Variants in CNOT4 observed in about 807,000 individuals in gnomAD.
CNOT4 encodes the protein CCR4-associated factor 4.
Under a neutral mutation model 73.8 loss-of-function variants are expected in CNOT4, and 8 were observed. The observed-to-expected ratio is 0.11, with a 90% CI of 0.06 to 0.20. The LOEUF is 0.20. Ranked by LOEUF, CNOT4 falls within the 10% of genes least tolerant of loss-of-function variation. The pLI, the probability that CNOT4 is intolerant of heterozygous loss-of-function variation, is 1.00. For missense variants in CNOT4, 564 were observed against 883.4 expected, an observed-to-expected ratio of 0.64 and a Z score of 4.58; for synonymous variants, 293 against 321.1, an observed-to-expected ratio of 0.91 and a Z score of 0.94.
intron 1 of CNOT4, among the ~76,000 whole-genome samples, chr7:135,488,493 G>A (rs935906936): frequency 2.0e-5 from 3 of 152,196 alleles, no homozygotes; most frequent in Non-Finnish European, 2.9e-5. Context: ...GATTACAGGC[G>A]TGAGCCACTG....
intron 9 of CNOT4, 141 bp downstream of exon 9, chr7:135,395,493 T>G: frequency 1.1e-6 from 1 of 905,228 alleles, no homozygotes; most frequent in Non-Finnish European, 1.7e-6. Flanking sequence ...CCTAATTCCA[T>G]GTAGTTTAAA....
In CNOT4 at chr7:135,376,075, C is replaced by T. The variant is rs138859146; in HGVS notation, c.1628-12009G>A. Among the ~76,000 whole-genome samples, 444 of 151,256 alleles carry T rather than the reference C, an allele frequency of 2.9e-3. 1 individual carries two copies. The highest frequency in any genetic ancestry group is 5.4e-3 in the African/African-American group (221 of 41,260). On this transcript the variant is annotated intron_variant, in intron 10 of 11. Transcript: ENST00000541284. ...AATTAATCACATAGTCAGTGGGTGA[C>T]GTGTAGGGGGGAAAATCTTAACAAT...
At chr7:135,453,032 A>T (rs1349506479) in intron 1 of CNOT4, among the ~76,000 whole-genome samples, 1 of 152,190 alleles carries the variant, frequency 6.6e-6, no homozygotes, top group East Asian at 1.9e-4. Flanking sequence ...TGGGGGAAAA[A>T]GTATCTGATA....
intron 1 of CNOT4, among the ~76,000 whole-genome samples, chr7:135,481,228 C>A (rs1802360856): frequency 6.6e-6 from 1 of 151,666 alleles, no homozygotes; most frequent in Non-Finnish European, 1.5e-5. Flanking sequence ...ACAAGAAACT[C>A]AAACCATTAA....
Position 135,362,985 on chromosome 7 carries a change from G to A in CNOT4, c.2042C>T (p.Ser681Phe), listed in dbSNP as rs760949147. The change falls in exon 12 of 12, where the codon TCC (serine) becomes TTC (phenylalanine). Residue 681 changes from serine to phenylalanine, a missense_variant. By Grantham distance (155) the Ser-to-Phe change is radical. This residue lies in a region of CNOT4 where 88 missense variants were observed against 94.7 expected (regional missense o/e 0.93). Transcript: ENST00000541284. ...WNPYPPPSNP[S>F]SFHSPPPGFQ... ...GCCTGGGGGTGGGGAGTGGAAGCTGGAAGGGTTTGAAGGAGGAGGGTAGGG... is the reference window on the plus strand; with the variant it reads ...GCCTGGGGGTGGGGAGTGGAAGCTGAAAGGGTTTGAAGGAGGAGGGTAGGG... 5.6e-6 allele frequency: 9 copies of A among 1,613,716 alleles called. No individual in the cohort carries two copies. In the East Asian group the frequency reaches 1.8e-4, roughly 32 times the overall value.
At chr7:135,423,247 C>G (rs1340396767) in intron 2 of CNOT4, among the ~76,000 whole-genome samples, 1 of 151,552 alleles carries the variant, frequency 6.6e-6, no homozygotes, top group African/African-American at 2.4e-5. Context: ...ACATTAAATG[C>G]CATAATATTT....
At chr7:135,488,314 C>T (rs1274347480) in intron 1 of CNOT4, among the ~76,000 whole-genome samples, 1 of 152,126 alleles carries the variant, frequency 6.6e-6, no homozygotes, top group Non-Finnish European at 1.5e-5. Flanking sequence ...CTGAATGGTA[C>T]GATTCTCAGC....
At chr7:135,391,524 T>C (rs910154342) in intron 10 of CNOT4, among the ~76,000 whole-genome samples, 4 of 152,016 alleles carry the variant, frequency 2.6e-5, no homozygotes, top group Non-Finnish European at 4.4e-5. Context: ...ACTACATTTT[T>C]AGCATCTCTG....
intron 1 of CNOT4, among the ~76,000 whole-genome samples, chr7:135,496,182 T>G (rs1012518541): frequency 3.9e-5 from 6 of 152,142 alleles, no homozygotes; most frequent in Non-Finnish European, 8.8e-5. Context: ...AACCTCCACC[T>G]CCCGGGTTCA....
chr7:135,444,149 A>T (rs1799666801), intron 1 of CNOT4, among the ~76,000 whole-genome samples: 1 of 128,570 alleles, frequency 7.8e-6, no homozygotes, highest in African/African-American at 2.5e-5. Flanking sequence ...TCAAAAAATA[A>T]TAATAATAAT....
At chr7:135,403,937 T>A (rs1797138961) in intron 7 of CNOT4, among the ~76,000 whole-genome samples, 1 of 152,162 alleles carries the variant, frequency 6.6e-6, no homozygotes, top group Admixed American at 6.5e-5. Context: ...TAAACACACT[T>A]CTTATTTGCT....
intron 10 of CNOT4, among the ~76,000 whole-genome samples, chr7:135,365,799 C>T (rs958113513): frequency 1.3e-5 from 2 of 152,180 alleles, no homozygotes; most frequent in Non-Finnish European, 2.9e-5. Context: ...AGAAACTGGA[C>T]TTTGCGGCCA....
At chr7:135,429,997 G>C (rs577981818) in intron 2 of CNOT4, among the ~76,000 whole-genome samples, 1 of 152,302 alleles carries the variant, frequency 6.6e-6, no homozygotes, top group African/African-American at 2.4e-5. Context: ...AAGAATCCCA[G>C]AGGTCTACAT....
intron 10 of CNOT4, chr7:135,384,847 C>T (rs1221219668): frequency 5.9e-6 from 4 of 681,990 alleles, no homozygotes; most frequent in Admixed American, 2.1e-5. Flanking sequence ...AATGTCTTAA[C>T]ACTAAGTAGT....
intron 1 of CNOT4, among the ~76,000 whole-genome samples, chr7:135,483,716 C>A (rs1030338011): frequency 6.6e-6 from 1 of 151,736 alleles, no homozygotes. Context: ...CCCAACCACT[C>A]GGGGGGCTGA....
At chr7:135,442,836 C>G (rs1181318889) in intron 1 of CNOT4, among the ~76,000 whole-genome samples, 1 of 151,332 alleles carries the variant, frequency 6.6e-6, no homozygotes, top group Non-Finnish European at 1.5e-5. Flanking sequence ...GGCAGCAGGA[C>G]TACTTGAGGC....
chr7:135,385,697 C>A (rs768146077), intron 10 of CNOT4, among the ~76,000 whole-genome samples: 5 of 152,106 alleles, frequency 3.3e-5, no homozygotes, highest in Non-Finnish European at 5.9e-5. Flanking sequence ...GTATTCAATA[C>A]CCTTTGTTGC....
At chr7:135,426,445 A>T (rs1346377339) in intron 2 of CNOT4, among the ~76,000 whole-genome samples, 1 of 151,096 alleles carries the variant, frequency 6.6e-6, no homozygotes, top group African/African-American at 2.4e-5. Context: ...TACTAAAAAT[A>T]AAAAAAAATT....
chr7:135,504,379 T>C (rs1157233526), intron 1 of CNOT4, among the ~76,000 whole-genome samples: 1 of 148,076 alleles, frequency 6.8e-6, no homozygotes, highest in Non-Finnish European at 1.5e-5. Flanking sequence ...CACTGCAACC[T>C]CTGACTCCCA....
Sources: gnomAD v4.1 joint callset for allele counts (sites outside exome capture counted in the v4.1 genomes callset) on GRCh38, gnomAD v4.1.1 for gene constraint, gnomAD v4.1.1 regional missense constraint, MANE v1.5 for transcripts, NCBI Gene and HGNC (gene_info 2026-07-23, HGNC 2026-07-21) for gene names.